Variants in SLC71A1 observed in about 807,000 individuals in gnomAD.
SLC71A1 encodes the protein solute carrier family 71 member 1.
the SLC71A1 span, chr1:100,049,872 CTTTT>C: frequency 7.1e-6 from 8 of 1,122,038 alleles, no homozygotes; most frequent in South Asian, 8.1e-5. Flanking sequence ...GTACTGTTAA[CTTTT>C]TTTAACTTTT....
At chr1:100,076,568 G>A in the SLC71A1 span, among the ~76,000 whole-genome samples, 1 of 152,136 alleles carries the variant, frequency 6.6e-6, no homozygotes, top group East Asian at 1.9e-4. Context: ...TTTGCAAAGA[G>A]ACAAAAGTGA....
chr1:100,044,693 T>A, the SLC71A1 span, among the ~76,000 whole-genome samples: 1 of 152,062 alleles, frequency 6.6e-6, no homozygotes, highest in Non-Finnish European at 1.5e-5. Flanking sequence ...CTTTTTTGTA[T>A]TTTTAGTAGA....
the SLC71A1 span, among the ~76,000 whole-genome samples, chr1:100,061,092 T>A: frequency 6.6e-6 from 1 of 152,166 alleles, no homozygotes; most frequent in African/African-American, 2.4e-5. Context: ...TTAAGCAGTG[T>A]GTTAGAAAAA....
chr1:100,064,875 C>T, the SLC71A1 span, among the ~76,000 whole-genome samples: 1 of 151,740 alleles, frequency 6.6e-6, no homozygotes, highest in Non-Finnish European at 1.5e-5. Flanking sequence ...AGGCATGATC[C>T]ACCATGCCCA....
chr1:100,077,714 G>A, the SLC71A1 span, among the ~76,000 whole-genome samples: 1 of 152,222 alleles, frequency 6.6e-6, no homozygotes, highest in Non-Finnish European at 1.5e-5. Context: ...TTTGGTGCCA[G>A]CTTCATGCTG....
the SLC71A1 span, among the ~76,000 whole-genome samples, chr1:100,048,086 T>C: frequency 1.3e-5 from 2 of 152,222 alleles, no homozygotes; most frequent in Non-Finnish European, 2.9e-5. Context: ...TAGCATGCTT[T>C]AAGCCCTGAG....
the SLC71A1 span, chr1:100,082,962 T>C: frequency 6.5e-6 from 1 of 152,686 alleles, no homozygotes; most frequent in Non-Finnish European, 1.5e-5. Flanking sequence ...AACACTTGAA[T>C]ACATAATCTA....
At chr1:100,070,518 G>A in the SLC71A1 span, among the ~76,000 whole-genome samples, 3 of 152,186 alleles carry the variant, frequency 2.0e-5, no homozygotes, top group African/African-American at 4.8e-5. Flanking sequence ...TGACATGAAA[G>A]TGTGTATCTT....
At chr1:100,065,267 A>G in the SLC71A1 span, among the ~76,000 whole-genome samples, 1 of 152,202 alleles carries the variant, frequency 6.6e-6, no homozygotes, top group Non-Finnish European at 1.5e-5. Flanking sequence ...CTAGAATTTT[A>G]TGTACTTGTT....
the SLC71A1 span, among the ~76,000 whole-genome samples, chr1:100,047,145 T>G: frequency 6.6e-6 from 1 of 152,212 alleles, no homozygotes; most frequent in African/African-American, 2.4e-5. Flanking sequence ...TCCAGATCTT[T>G]GAGGAAAGGC....
the SLC71A1 span, chr1:100,078,601 C>A: frequency 7.9e-7 from 1 of 1,260,594 alleles, no homozygotes; most frequent in Non-Finnish European, 1.2e-6. Context: ...ATGTTCTAAT[C>A]CTGTGTTCTG....
the SLC71A1 span, chr1:100,080,432 G>C: frequency 3.1e-6 from 4 of 1,310,572 alleles, no homozygotes; most frequent in Non-Finnish European, 3.2e-6. Flanking sequence ...TATTTGTACT[G>C]GTTCTAAGGT....
chr1:100,059,970 A>G, the SLC71A1 span: 2 of 1,612,954 alleles, frequency 1.2e-6, no homozygotes, highest in Non-Finnish European at 1.7e-6. Context: ...TGTTTTTCAC[A>G]TGTGCCCCAA....
the SLC71A1 span, among the ~76,000 whole-genome samples, chr1:100,044,489 G>A: frequency 6.7e-6 from 1 of 149,904 alleles, no homozygotes; most frequent in African/African-American, 2.5e-5. Context: ...CCAACTGTAT[G>A]GGTTGTCTGT....
the SLC71A1 span, chr1:100,081,978 T>C: frequency 6.4e-7 from 1 of 1,566,762 alleles, no homozygotes; most frequent in South Asian, 1.1e-5. Context: ...TGTGTAAAAA[T>C]CCTAATTACT....
the SLC71A1 span, chr1:100,079,008 C>G: frequency 0.25 from 38,194 of 152,488 alleles, 7,435 homozygotes; most frequent in African/African-American, 0.55. Context: ...GGAGGTTGCA[C>G]TGAGCCAAAA....
At chr1:100,066,600 G>C in the SLC71A1 span, among the ~76,000 whole-genome samples, 1 of 152,124 alleles carries the variant, frequency 6.6e-6, no homozygotes, top group East Asian at 1.9e-4. Flanking sequence ...CAAAAGATTA[G>C]ACACCCCTCC....
At chr1:100,048,040 A>T in the SLC71A1 span, among the ~76,000 whole-genome samples, 1 of 152,090 alleles carries the variant, frequency 6.6e-6, no homozygotes, top group Non-Finnish European at 1.5e-5. Flanking sequence ...TACCCTACCT[A>T]TACATGTTAT....
At chr1:100,077,324 C>A in the SLC71A1 span, 1 of 993,758 alleles carries the variant, frequency 1.0e-6, no homozygotes, top group Non-Finnish European at 1.6e-6. Context: ...TTGGTGTTAG[C>A]CCTTGTGTTT....
Sources: gnomAD v4.1 joint callset for allele counts (sites outside exome capture counted in the v4.1 genomes callset) on GRCh38, gnomAD v4.1.1 for gene constraint, MANE v1.5 for transcripts, NCBI Gene and HGNC (gene_info 2026-07-23, HGNC 2026-07-21) for gene names.